The following KDM4C variants were observed in gnomAD, a reference collection of about 807,000 sequenced individuals.
The protein encoded by KDM4C is lysine-specific demethylase 4C.
A neutral mutation model predicts 129.3 loss-of-function variants in KDM4C; 81 were observed. The observed-to-expected ratio is 0.63, with a 90% CI of 0.52 to 0.75. The LOEUF (loss-of-function observed/expected upper bound fraction) is 0.75. Ranked by LOEUF, KDM4C falls within the 30% of genes least tolerant of loss-of-function variation. The pLI, the probability that KDM4C is intolerant of heterozygous loss-of-function variation, is 0.00. For synonymous variants in KDM4C, 573 were observed against 456.1 expected (o/e 1.26, Z -3.26); for missense variants, 1,457 against 1,304.0 (o/e 1.12, Z -1.81).
At chr9:6,974,683 A>G (rs1293337144) in intron 8 of KDM4C, 1 of 152,206 alleles carries the variant, frequency 6.6e-6, no homozygotes, top group Non-Finnish European at 1.5e-5. Context: ...GTGATCATAT[A>G]GACTCATACA....
intron 17 of KDM4C, among the ~76,000 whole-genome samples, chr9:7,092,126 T>C (rs1257986571): frequency 6.6e-6 from 1 of 152,200 alleles, no homozygotes; most frequent in East Asian, 1.9e-4. Flanking sequence ...TTTTTTCTTC[T>C]TCTTCTTCAT....
intron 5 of KDM4C, among the ~76,000 whole-genome samples, chr9:6,877,572 C>T (rs764806297): frequency 6.6e-6 from 1 of 152,140 alleles, no homozygotes; most frequent in Non-Finnish European, 1.5e-5. Flanking sequence ...TCTTTGATCC[C>T]CTAGGGCTTT....
chr9:6,997,292 A>T (rs576354102), intron 12 of KDM4C, among the ~76,000 whole-genome samples: 27 of 152,338 alleles, frequency 1.8e-4, no homozygotes, highest in African/African-American at 5.1e-4. Flanking sequence ...AGAACTAGGA[A>T]ACTAAAGGGC....
At chr9:7,000,594 G>T (rs1820554506) in intron 12 of KDM4C, among the ~76,000 whole-genome samples, 1 of 152,094 alleles carries the variant, frequency 6.6e-6, no homozygotes, top group African/African-American at 2.4e-5. Flanking sequence ...GTTTCATGGT[G>T]CATTCAATTC....
At chr9:6,808,529 C>A (rs1202210647) in intron 3 of KDM4C, among the ~76,000 whole-genome samples, 3 of 147,390 alleles carry the variant, frequency 2.0e-5, no homozygotes, top group Non-Finnish European at 4.5e-5. Flanking sequence ...AATCCCTAAT[C>A]TCAAGTAATC....
At chr9:6,784,060 G>GT (rs943473601) in intron 1 of KDM4C, among the ~76,000 whole-genome samples, 37 of 149,590 alleles carry the variant, frequency 2.5e-4, no homozygotes, top group Admixed American at 4.7e-4. Flanking sequence ...TAATTTGAAT[G>GT]TTTTTTTTTT....
intron 12 of KDM4C, among the ~76,000 whole-genome samples, 162 bp downstream of exon 12, chr9:6,990,686 G>A (rs1304157610): frequency 6.6e-6 from 1 of 152,034 alleles, no homozygotes; most frequent in Admixed American, 6.5e-5. Flanking sequence ...AAGGAATTTG[G>A]AACTTAGAGG....
At position 7,015,791 on chromosome 9, in the gene KDM4C, G is replaced by T. The variant is rs568046064; in HGVS notation, c.2183-62G>T. 10 of 1,109,450 alleles carry T rather than the reference G, an allele frequency of 9.0e-6. No homozygotes were observed. In the East Asian group the frequency reaches 2.2e-4, roughly 24 times the overall value. The allele number at this position is 1,109,450 out of a possible 1,614,324, so 68.7% of individuals were successfully genotyped here. On this transcript the variant is annotated intron_variant, in intron 14 of 21. Coordinates refer to ENST00000381309, the MANE Select transcript of KDM4C (RefSeq NM_015061.6). Reference sequence around the variant, plus strand: ...CCATTTTTATTTATTTCAGTACTGAGATCTGCAATATTTTAAAGGTGAAAA... The same window carrying T: ...CCATTTTTATTTATTTCAGTACTGATATCTGCAATATTTTAAAGGTGAAAA...
chr9:7,164,294 A>T (rs943917201), intron 19 of KDM4C, among the ~76,000 whole-genome samples: 2 of 151,704 alleles, frequency 1.3e-5, no homozygotes, highest in Non-Finnish European at 2.9e-5. Context: ...TTTGCAAACT[A>T]TGTCTGAACA....
At chr9:6,753,973 C>T (rs1818159342), upstream of KDM4C, among the ~76,000 whole-genome samples, 1 of 141,764 alleles carries the variant, frequency 7.1e-6, no homozygotes, top group East Asian at 2.2e-4. Flanking sequence ...CTCCCGGGTT[C>T]ATGCCATTCT....
chr9:6,821,206 C>T (rs1205782675), intron 4 of KDM4C, among the ~76,000 whole-genome samples: 1 of 152,120 alleles, frequency 6.6e-6, no homozygotes, highest in Non-Finnish European at 1.5e-5. Context: ...TTTATAGTAG[C>T]ATGATTTATA....
At chr9:6,991,121 T>C (rs987535645) in intron 12 of KDM4C, among the ~76,000 whole-genome samples, 10 of 152,168 alleles carry the variant, frequency 6.6e-5, no homozygotes, top group Non-Finnish European at 1.0e-4. Flanking sequence ...CTGTTATTCA[T>C]GCTGGAGTGC....
intron 15 of KDM4C, among the ~76,000 whole-genome samples, chr9:7,044,386 T>C (rs1421242156): frequency 6.6e-6 from 1 of 151,964 alleles, no homozygotes; most frequent in Admixed American, 6.6e-5. Flanking sequence ...TATTAGGTAC[T>C]GAGAAGCATT....
chr9:6,940,468 C>G (rs541978519), intron 8 of KDM4C, among the ~76,000 whole-genome samples: 1 of 152,162 alleles, frequency 6.6e-6, no homozygotes, highest in Non-Finnish European at 1.5e-5. Context: ...ATTGTGTCAA[C>G]TTTCATTTAA....
intron 2 of KDM4C, among the ~76,000 whole-genome samples, chr9:6,795,413 C>T (rs1564022704): frequency 6.6e-6 from 1 of 152,198 alleles, no homozygotes; most frequent in Non-Finnish European, 1.5e-5. Context: ...CTCACTGCAA[C>T]CTCTGCCTCC....
intron 4 of KDM4C, among the ~76,000 whole-genome samples, chr9:6,842,773 C>T (rs1421574129): frequency 3.4e-5 from 5 of 147,424 alleles, no homozygotes; most frequent in African/African-American, 7.6e-5. Context: ...AGGTTGTCTC[C>T]AAATACACAT....
intron 1 of KDM4C, chr9:6,748,653 T>C: frequency 9.8e-7 from 1 of 1,025,004 alleles, no homozygotes; most frequent in Non-Finnish European, 1.5e-6. Flanking sequence ...AAAGGACGTC[T>C]AAAAACAAAC....
At chr9:7,170,058 A>T in intron 21 of KDM4C, 168 bp downstream of exon 21, 1 of 1,509,688 alleles carries the variant, frequency 6.6e-7, no homozygotes, top group Non-Finnish European at 8.9e-7. Flanking sequence ...CTTCAAATTC[A>T]ACCAAAATCG....
At chr9:6,875,022 G>T (rs1298050483) in intron 5 of KDM4C, among the ~76,000 whole-genome samples, 3 of 152,016 alleles carry the variant, frequency 2.0e-5, no homozygotes, top group African/African-American at 7.3e-5. Flanking sequence ...TGAGGATGCA[G>T]TTGCTGGTCC....
Sources: gnomAD v4.1 joint callset for allele counts (sites outside exome capture counted in the v4.1 genomes callset) on GRCh38, gnomAD v4.1.1 for gene constraint, MANE v1.5 for transcripts, NCBI Gene and HGNC (gene_info 2026-07-23, HGNC 2026-07-21) for gene names.